MALRD1: variants seen among roughly 807,000 people sequenced by gnomAD.
The protein encoded by MALRD1 is MAM and LDL-receptor class A domain-containing protein 1.
A neutral mutation model predicts 242.1 loss-of-function variants in MALRD1; 247 were observed. The observed-to-expected ratio is 1.02, with a 90% confidence interval of 0.92 to 1.13. The LOEUF is 1.13. Ranked by LOEUF, MALRD1 falls within the 50% of genes most tolerant of loss-of-function variation. The pLI is 0.00. For synonymous variants in MALRD1, 995 were observed against 866.6 expected (o/e 1.15, Z -2.60); for missense variants, 2,989 against 2,533.1 (o/e 1.18, Z -3.86).
chr10:19,681,464 G>A (rs571040995), intron 36 of MALRD1, among the ~76,000 whole-genome samples: 5 of 152,082 alleles, frequency 3.3e-5, no homozygotes, highest in Admixed American at 2.0e-4. Context: ...TGATATTTGC[G>A]ATTGCATTGT....
chr10:19,248,476 A>G (rs1354446762), intron 18 of MALRD1, among the ~76,000 whole-genome samples: 1 of 151,798 alleles, frequency 6.6e-6, no homozygotes, highest in Non-Finnish European at 1.5e-5. Context: ...TTACAATTTT[A>G]TAGTAAGAAT....
intron 33 of MALRD1, among the ~76,000 whole-genome samples, chr10:19,567,977 C>T (rs1836330222): frequency 6.6e-6 from 1 of 152,108 alleles, no homozygotes; most frequent in Non-Finnish European, 1.5e-5. Flanking sequence ...TTATTTTCTG[C>T]TTTCCTTATT....
chr10:19,272,091 A>T (rs1044072883), intron 19 of MALRD1, among the ~76,000 whole-genome samples: 2 of 152,094 alleles, frequency 1.3e-5, no homozygotes, highest in Non-Finnish European at 2.9e-5. Flanking sequence ...TATTTATATA[A>T]ATTAGATTAT....
At position 19,388,736 on chromosome 10, in the gene MALRD1, G is replaced by A. The variant is rs145945348; in HGVS notation, c.4688-716G>A. ...GAATAAAGGACAGTAGCAGAATAAA[G>A]CTTGTTACTTTATTCCTTGGTGAAG... On this transcript the variant is annotated intron_variant, in intron 27 of 39. Transcript: ENST00000454679. Among the ~76,000 whole-genome samples the A allele has an allele frequency of 1.4e-3, 215 of 152,206 alleles. 1 individual carries two copies. The East Asian group carries it at 0.021, about 15-fold the overall frequency.
intron 28 of MALRD1, among the ~76,000 whole-genome samples, chr10:19,441,671 G>C (rs1219294505): frequency 6.6e-6 from 1 of 152,074 alleles, no homozygotes; most frequent in East Asian, 1.9e-4. Flanking sequence ...TAAGGTTTCT[G>C]TTCTGTTCCA....
intron 36 of MALRD1, among the ~76,000 whole-genome samples, chr10:19,681,011 C>T (rs1051947235): frequency 1.3e-5 from 2 of 152,198 alleles, no homozygotes; most frequent in Admixed American, 6.5e-5. Flanking sequence ...GCTGAGAGGT[C>T]TGCTGTTAGT....
chr10:19,484,765 G>A (rs1440114972), intron 29 of MALRD1, among the ~76,000 whole-genome samples: 1 of 152,240 alleles, frequency 6.6e-6, no homozygotes, highest in Admixed American at 6.5e-5. Flanking sequence ...ACAATGTGGA[G>A]ATTTCTTAAA....
intron 34 of MALRD1, among the ~76,000 whole-genome samples, chr10:19,599,110 G>T (rs1286943064): frequency 6.6e-6 from 1 of 152,136 alleles, no homozygotes; most frequent in Non-Finnish European, 1.5e-5. Context: ...ATCAATTGTA[G>T]ATAACTCTTT....
chr10:19,499,197 T>C (rs748626559), intron 31 of MALRD1, among the ~76,000 whole-genome samples: 1 of 152,190 alleles, frequency 6.6e-6, no homozygotes, highest in Non-Finnish European at 1.5e-5. Context: ...TTACAGTTAA[T>C]AGACTCAAAG....
chr10:19,410,584 C>T (rs376694844), intron 28 of MALRD1, among the ~76,000 whole-genome samples: 8 of 151,976 alleles, frequency 5.3e-5, no homozygotes, highest in Admixed American at 1.3e-4. Context: ...TGATAATGGA[C>T]GCTAGGAAAG....
In MALRD1 at chr10:19,347,952, T is replaced by C. The variant is rs1399396832; in HGVS notation, c.4083T>C (p.Pro1361=). The change falls in exon 25 of 40, where the codon CCT becomes CCC. Residue 1361 remains proline, a synonymous_variant. Coordinates refer to ENST00000454679, the MANE Select transcript of MALRD1 (RefSeq NM_001142308.3). ...ACATCTTTATAAAGAGTTTGTTTCC[T>C]CAGCAGCCCATGAGAGCTGCCAGAA... The part of the protein sequence containing the change: ...GHYIFIKSLF[P]QQPMRAARIS... The C allele has an allele frequency of 2.6e-6, 4 of 1,550,230 alleles. No individual in the cohort carries two copies. In the Admixed American group the frequency reaches 7.8e-5, roughly 30 times the overall value.
At chr10:19,604,571 G>C (rs1372259188) in intron 34 of MALRD1, among the ~76,000 whole-genome samples, 1 of 152,104 alleles carries the variant, frequency 6.6e-6, no homozygotes, top group East Asian at 1.9e-4. Flanking sequence ...ATGCTGAGAT[G>C]GAGAAGCTGT....
intron 10 of MALRD1, among the ~76,000 whole-genome samples, chr10:19,139,259 T>C (rs141387168): frequency 6.6e-6 from 1 of 152,368 alleles, no homozygotes; most frequent in African/African-American, 2.4e-5. Flanking sequence ...TATAGACACG[T>C]GCATATGTAT....
intron 19 of MALRD1, among the ~76,000 whole-genome samples, chr10:19,273,181 T>G (rs1840341036): frequency 6.6e-6 from 1 of 152,172 alleles, no homozygotes; most frequent in Non-Finnish European, 1.5e-5. Context: ...TATATAATTT[T>G]TACAATCTCA....
intron 10 of MALRD1, among the ~76,000 whole-genome samples, chr10:19,142,276 T>C (rs1188787435): frequency 6.6e-6 from 1 of 151,370 alleles, no homozygotes; most frequent in East Asian, 1.9e-4. Context: ...TCTGTGTGGG[T>C]TTCCAATACA....
intron 36 of MALRD1, among the ~76,000 whole-genome samples, chr10:19,648,775 G>A (rs1231108398): frequency 3.9e-5 from 6 of 152,100 alleles, no homozygotes; most frequent in African/African-American, 1.4e-4. Context: ...GGGAGTAAAT[G>A]TGAAAGTTTG....
chr10:19,501,254 A>G (rs1837953096), intron 31 of MALRD1, among the ~76,000 whole-genome samples: 1 of 152,176 alleles, frequency 6.6e-6, no homozygotes, highest in African/African-American at 2.4e-5. Flanking sequence ...AGTCTAATTA[A>G]TTAGGGGTTT....
At chr10:19,165,267 T>TATATATATATATATATATATATA (rs1564435240) in intron 12 of MALRD1, among the ~76,000 whole-genome samples, 1 of 53,760 alleles carries the variant, frequency 1.9e-5, no homozygotes, top group East Asian at 6.1e-4. Context: ...ATATATATAT[T>TATATATATATATATATATATATA]TTGTTTTGTT....
chr10:19,488,961 G>T, intron 29 of MALRD1: 1 of 422,522 alleles, frequency 2.4e-6, no homozygotes, highest in Non-Finnish European at 4.8e-6. Context: ...AAAATTTAGC[G>T]GGGGCGGAGG....
Sources: allele counts gnomAD v4.1 joint callset (sites outside exome capture counted in the v4.1 genomes callset), GRCh38; gene constraint gnomAD v4.1.1; transcripts MANE v1.5; gene names NCBI Gene and HGNC (gene_info 2026-07-23, HGNC 2026-07-21).